The following LHX8 variants were observed in gnomAD, a reference collection of about 807,000 sequenced individuals.
The protein encoded by LHX8 is LIM/homeobox protein Lhx8.
A neutral mutation model predicts 40.3 loss-of-function variants in LHX8; 12 were observed. The observed-to-expected ratio is 0.30, with a 90% CI of 0.19 to 0.48. The LOEUF (loss-of-function observed/expected upper bound fraction) is 0.48. Ranked by LOEUF, LHX8 falls within the 20% of genes least tolerant of loss-of-function variation. The pLI, the probability that LHX8 is intolerant of heterozygous loss-of-function variation, is 0.99. For missense variants in LHX8, 344 were observed against 433.7 expected, an observed-to-expected ratio of 0.79 and a Z score of 1.84; for synonymous variants, 179 against 162.0, an observed-to-expected ratio of 1.10 and a Z score of -0.80.
At chr1:75,137,286 G>T (rs1286952882) in intron 3 of LHX8, 25 bp downstream of exon 3, 2 of 1,609,932 alleles carry the variant, frequency 1.2e-6, no homozygotes, top group Admixed American at 1.7e-5. Context: ...CGGGTGCGAG[G>T]CCCAAGGGGA....
chr1:75,145,940 G>A (rs563757531), intron 6 of LHX8, among the ~76,000 whole-genome samples: 1 of 152,148 alleles, frequency 6.6e-6, no homozygotes, highest in African/African-American at 2.4e-5. Flanking sequence ...TGAAAGCATA[G>A]GTAATATGCT....
Position 75,148,622 on chromosome 1 carries a change from A to G in LHX8, c.720A>G (p.Pro240=), listed in dbSNP as rs770153284. The change falls in exon 7 of 9, where the codon CCA becomes CCG. Residue 240 remains proline (P), a synonymous_variant. Transcript: ENST00000356261. ...CACAATTTGCTCAGGACAACAACCCAGATGCACAGACACTCCAGAAATTGG... is the reference window on the plus strand; with the variant it reads ...CACAATTTGCTCAGGACAACAACCCGGATGCACAGACACTCCAGAAATTGG... ...MQAQFAQDNN[P]DAQTLQKLAE... is the part of the protein sequence containing the mutation. 1.2e-6 allele frequency: 2 copies of G among 1,614,012 alleles called. No homozygotes were observed. Among genetic ancestry groups the G allele is most frequent in the East Asian group, 2.2e-5 (1 of 44,868 alleles).
At chr1:75,137,029 C>T (rs1648162879) in intron 2 of LHX8, 71 bp from the exon 3 acceptor site, 2 of 1,511,690 alleles carry the variant, frequency 1.3e-6, no homozygotes, top group African/African-American at 1.4e-5. Context: ...GGTGGGGGCG[C>T]CCTTGTGGGT....
the LHX8 span, among the ~76,000 whole-genome samples, chr1:75,199,083 C>T: frequency 2.0e-5 from 3 of 152,248 alleles, no homozygotes; most frequent in East Asian, 1.9e-4. Flanking sequence ...TTGGCTTCAA[C>T]GCTGTTTATC....
the LHX8 span, among the ~76,000 whole-genome samples, chr1:75,176,334 T>C: frequency 6.6e-6 from 1 of 152,194 alleles, no homozygotes; most frequent in South Asian, 2.1e-4. Context: ...CCAGCACCTA[T>C]TGTTTCCTGA....
chr1:75,164,933 A>C (rs1649001350), downstream of LHX8, among the ~76,000 whole-genome samples: 1 of 152,120 alleles, frequency 6.6e-6, no homozygotes, highest in African/African-American at 2.4e-5. Context: ...CTGTCTTCCC[A>C]AAGTGCTGAG....
chr1:75,181,510 C>T, the LHX8 span, among the ~76,000 whole-genome samples: 19 of 152,304 alleles, frequency 1.2e-4, no homozygotes, highest in African/African-American at 2.6e-4. Context: ...GAGCCAGGCA[C>T]GGGATACAAT....
rs553665582 is a variant in LHX8 at position 75,157,810 on chromosome 1, C to T, written c.964+734C>T. 1.5e-3 allele frequency among the ~76,000 whole-genome samples: 223 copies of T among 152,198 alleles called. 2 individuals are homozygous for T. Among genetic ancestry groups the T allele is most frequent in the African/African-American group, 5.1e-3 (211 of 41,538 alleles). On this transcript the variant is annotated intron_variant, in intron 8 of 8. Coordinates refer to ENST00000356261, the MANE Select transcript of LHX8 (RefSeq NM_001256114.2). ...GAATATACCACAATTTATCCATTTCCTGGTTAATAGATATTTGTGTTTTTT... is the reference window on the plus strand; with the variant it reads ...GAATATACCACAATTTATCCATTTCTTGGTTAATAGATATTTGTGTTTTTT...
chr1:75,179,648 G>T, the LHX8 span, among the ~76,000 whole-genome samples: 28 of 151,632 alleles, frequency 1.8e-4, no homozygotes, highest in African/African-American at 6.8e-4. Context: ...TATCCAATTT[G>T]CCAGTCTGTA....
At chr1:75,143,084 A>T in intron 4 of LHX8, 34 bp from the exon 5 acceptor site, 1 of 1,565,398 alleles carries the variant, frequency 6.4e-7, no homozygotes. Flanking sequence ...CCAGGCATTA[A>T]AATATTTACC....
intron 7 of LHX8, among the ~76,000 whole-genome samples, chr1:75,150,541 G>T (rs1440273447): frequency 6.6e-6 from 1 of 152,108 alleles, no homozygotes; most frequent in African/African-American, 2.4e-5. Flanking sequence ...TAAATGGGAC[G>T]TAGTAACAGC....
the LHX8 span, among the ~76,000 whole-genome samples, chr1:75,191,384 C>T: frequency 6.6e-6 from 1 of 152,128 alleles, no homozygotes; most frequent in Non-Finnish European, 1.5e-5. Context: ...CCCACTCTCT[C>T]CAGCTGAGAG....
chr1:75,156,757 T>G (rs1165237990), intron 7 of LHX8, 136 bp from the exon 8 acceptor site: 2 of 838,600 alleles, frequency 2.4e-6, no homozygotes, highest in African/African-American at 3.3e-5. Context: ...AGAACTTTTA[T>G]AAAAGCTGAG....
chr1:75,159,260 T>C (rs1199624239), intron 8 of LHX8: 6 of 152,150 alleles, frequency 3.9e-5, no homozygotes, highest in Admixed American at 2.0e-4. Context: ...CTATTGACCT[T>C]CTTGCTCCTT....
rs1648362193 is a variant in LHX8, at chr1:75,143,146, G to A, written c.388G>A (p.Gly130Arg). 6.2e-7 allele frequency: 1 copy of A among 1,613,650 alleles called. No individual in the cohort carries two copies. The highest frequency in any genetic ancestry group is 8.5e-7 in the Non-Finnish European group (1 of 1,179,698). Residue 130 changes from glycine (G) to arginine (R), a missense_variant, in exon 5 of 9, where the codon GGG becomes AGG. This residue lies in a region of LHX8 where 147 missense variants were observed against 250.8 expected (regional missense o/e 0.59). Coordinates refer to ENST00000356261, the MANE Select transcript of LHX8 (RefSeq NM_001256114.2). ...RRYGTRCSRCGRHIHSTDWVR... is the reference protein window; with the variant it reads ...RRYGTRCSRCRRHIHSTDWVR... ...GTATGGAACTCGCTGCTCTCGATGTGGGAGACACATCCATTCTACTGACTG... is the reference window on the plus strand; with the variant it reads ...GTATGGAACTCGCTGCTCTCGATGTAGGAGACACATCCATTCTACTGACTG...
chr1:75,190,757 T>G, the LHX8 span, among the ~76,000 whole-genome samples: 1 of 152,204 alleles, frequency 6.6e-6, no homozygotes, highest in Admixed American at 6.5e-5. Context: ...GAACTTTTTC[T>G]TAGAGATAAA....
At chr1:75,144,076 T>C (rs1027847806) in intron 6 of LHX8, 128 bp downstream of exon 6, 7 of 720,064 alleles carry the variant, frequency 9.7e-6, no homozygotes, top group African/African-American at 1.8e-5. Context: ...TTATGAAAAC[T>C]AATTTGGTGA....
At chr1:75,178,042 A>G in the LHX8 span, among the ~76,000 whole-genome samples, 29 of 152,324 alleles carry the variant, frequency 1.9e-4, no homozygotes, top group African/African-American at 6.7e-4. Flanking sequence ...ATCTTGATGG[A>G]TAAGCTTTTT....
At chr1:75,161,612 A>T (rs1648920980), downstream of LHX8, 1 of 152,088 alleles carries the variant, frequency 6.6e-6, no homozygotes, top group African/African-American at 2.4e-5. Context: ...TAAGTTTAAA[A>T]AGTATTGTGT....
Sources: allele counts gnomAD v4.1 joint callset (sites outside exome capture counted in the v4.1 genomes callset), GRCh38; gene constraint gnomAD v4.1.1; regional missense constraint gnomAD v4.1.1; transcripts MANE v1.5; gene names NCBI Gene and HGNC (gene_info 2026-07-23, HGNC 2026-07-21).